The following PSTPIP2 variants were observed in gnomAD, a reference collection of about 807,000 sequenced individuals.
PSTPIP2 encodes the protein proline-serine-threonine phosphatase interacting protein 2.
A neutral mutation model predicts 63.3 loss-of-function variants in PSTPIP2; 33 were observed. That is an observed-to-expected ratio of 0.52 (90% CI 0.40 to 0.70). PSTPIP2 has a LOEUF of 0.70. Ranked by LOEUF, PSTPIP2 falls within the 30% of genes least tolerant of loss-of-function variation. The pLI is 0.00. For missense variants in PSTPIP2, 312 were observed against 400.7 expected (o/e 0.78, Z 1.89); for synonymous variants, 125 against 132.7 (o/e 0.94, Z 0.40).
At chr18:45,993,847 G>A (rs1031166190) in intron 9 of PSTPIP2, 144 bp from the exon 10 acceptor site, 1 of 677,000 alleles carries the variant, frequency 1.5e-6, no homozygotes, top group Non-Finnish European at 2.6e-6. Context: ...CCACCACTGA[G>A]GAAACTCATA....
At chr18:46,008,111 G>A (rs1323560534) in intron 5 of PSTPIP2, among the ~76,000 whole-genome samples, 1 of 152,086 alleles carries the variant, frequency 6.6e-6, no homozygotes, top group African/African-American at 2.4e-5. Context: ...CAAATCCAAT[G>A]GAAATGTGAT....
chr18:45,990,714 T>C lies in PSTPIP2; in HGVS notation c.955+8A>G, dbSNP rs368320912. Reference sequence around the variant, plus strand: ...AAGAATTTCAAAAGACCTTTTTTAGTGGCATACCTGGTGAGCTTTTAGGAA... The same window carrying C: ...AAGAATTTCAAAAGACCTTTTTTAGCGGCATACCTGGTGAGCTTTTAGGAA... On this transcript the variant is annotated splice_region_variant and intron_variant, in intron 13 of 14. Coordinates refer to ENST00000409746, the MANE Select transcript of PSTPIP2 (RefSeq NM_024430.4). The C allele has an allele frequency of 4.6e-5, 73 of 1,602,690 alleles. No individual in the cohort carries two copies. Among genetic ancestry groups the C allele is most frequent in the Admixed American group, 1.0e-4 (6 of 59,708 alleles).
intron 2 of PSTPIP2, among the ~76,000 whole-genome samples, chr18:46,037,542 T>G (rs1908025023): frequency 6.6e-6 from 1 of 152,158 alleles, no homozygotes; most frequent in East Asian, 1.9e-4. Context: ...GCAGCCAACT[T>G]AGTCCCAGTT....
rs149236560 is a variant in PSTPIP2, at chr18:46,019,981, C to T, written c.213-4044G>A. ...CTATAGTGAGTCATAGATTGAAAGG[C>T]CAGCCTTACAGCTAAATTGTCTGTC... On this transcript the variant is annotated intron_variant, in intron 3 of 14. Coordinates refer to ENST00000409746, the MANE Select transcript of PSTPIP2 (RefSeq NM_024430.4). 1.2e-4 allele frequency among the ~76,000 whole-genome samples: 19 copies of T among 152,276 alleles called. 1 individual carries two copies. Among genetic ancestry groups the T allele is most frequent in the Non-Finnish European group, 2.2e-4 (15 of 68,010 alleles).
At chr18:46,064,867 G>T (rs571313445) in intron 1 of PSTPIP2, among the ~76,000 whole-genome samples, 2 of 151,948 alleles carry the variant, frequency 1.3e-5, no homozygotes, top group Non-Finnish European at 2.9e-5. Flanking sequence ...ACACTGGGCC[G>T]GGTGCGGTGG....
intron 13 of PSTPIP2, among the ~76,000 whole-genome samples, chr18:45,990,250 C>T (rs1415566987): frequency 2.6e-5 from 4 of 152,122 alleles, no homozygotes; most frequent in African/African-American, 7.2e-5. Flanking sequence ...AAATAGACCA[C>T]CAATTATCAT....
intron 5 of PSTPIP2, among the ~76,000 whole-genome samples, chr18:46,007,525 G>T (rs2051741310): frequency 1.3e-5 from 2 of 152,258 alleles, no homozygotes; most frequent in Admixed American, 1.3e-4. Flanking sequence ...AGGAGGAGAA[G>T]CTGGGTTTAT....
Position 45,992,086 on chromosome 18 carries a change from C to T in PSTPIP2, c.838+20G>A. 6.2e-7 allele frequency: 1 copy of T among 1,600,458 alleles called. No homozygotes were observed. On this transcript the variant is annotated intron_variant, in intron 11 of 14. Transcript: ENST00000409746. ...ATAGAATTGTGTAAATAACACTCCC[C>T]ACCCCACTGCCCCATTCACCTGGTG...
intron 6 of PSTPIP2, 97 bp downstream of exon 6, chr18:46,005,372 T>G (rs1464060246): frequency 9.6e-7 from 1 of 1,042,144 alleles, no homozygotes; most frequent in African/African-American, 1.6e-5. Context: ...TAATAACATT[T>G]TTGAAATGTT....
In PSTPIP2 at chr18:46,005,525, G is replaced by A. The variant is rs766254600; in HGVS notation, c.361C>T (p.Leu121Phe). 3 of 1,591,210 alleles carry A rather than the reference G, an allele frequency of 1.9e-6. No individual in the cohort carries two copies. The highest frequency in any genetic ancestry group is 1.3e-5 in the African/African-American group (1 of 74,260). Reference sequence around the variant, plus strand: ...TGTTTATGGATAGCATCCATTATGAGCTCTGTCTGTAAAGAGATCATAAAC... The same window carrying A: ...TGTTTATGGATAGCATCCATTATGAACTCTGTCTGTAAAGAGATCATAAAC... Reference protein sequence around the residue: ...KQKLQRKKTELIMDAIHKQKS... With the variant: ...KQKLQRKKTEFIMDAIHKQKS... The change falls in exon 6 of 15, where the codon CTC (leucine) becomes TTC (phenylalanine). Residue 121 changes from leucine to phenylalanine, a missense_variant. By Grantham distance (22) the Leu-to-Phe change is conservative. Transcript: ENST00000409746.
Position 46,002,690 on chromosome 18 carries a change from A to C in PSTPIP2, c.417+2779T>G, listed in dbSNP as rs112615826. Reference sequence around the variant, plus strand: ...TCAAGTGTGAATCAGGTGTAGTGGCACATGCCTGTAATTCCAGCTACTCAG... The same window carrying C: ...TCAAGTGTGAATCAGGTGTAGTGGCCCATGCCTGTAATTCCAGCTACTCAG... On this transcript the variant is annotated intron_variant, in intron 6 of 14. Coordinates refer to ENST00000409746, the MANE Select transcript of PSTPIP2 (RefSeq NM_024430.4). Among the ~76,000 whole-genome samples, 340 of 152,248 alleles carry C rather than the reference A, an allele frequency of 2.2e-3. 3 individuals are homozygous for C. Among genetic ancestry groups the C allele is most frequent in the Middle Eastern group, 0.014 (4 of 294 alleles).
At chr18:46,038,886 C>A (rs2144110119) in intron 2 of PSTPIP2, among the ~76,000 whole-genome samples, 1 of 152,258 alleles carries the variant, frequency 6.6e-6, no homozygotes, top group South Asian at 2.1e-4. Context: ...CCTGTAATCC[C>A]AGAACTTTGG....
Position 46,011,219 on chromosome 18 carries a change from C to G in PSTPIP2, c.316G>C (p.Glu106Gln). Reference protein sequence around the residue: ...QSLREEARKMEEFREKQKLQR... With the variant: ...QSLREEARKMQEFREKQKLQR... ...AGTTTTTGCTTTTCCCTGAATTCTT[C>G]CATCTTCCTGGCCTCTTCTCTTAAA... The change falls in exon 5 of 15, where the codon GAA (glutamate) becomes CAA (glutamine). Residue 106 changes from glutamate to glutamine, a missense_variant. By Grantham distance (29) the Glu-to-Gln change is conservative (BLOSUM62 2). Coordinates refer to ENST00000409746, the MANE Select transcript of PSTPIP2 (RefSeq NM_024430.4). 6.2e-7 allele frequency: 1 copy of G among 1,614,034 alleles called. No homozygotes were observed. The highest frequency in any genetic ancestry group is 8.5e-7 in the Non-Finnish European group (1 of 1,179,982).
Position 45,990,577 on chromosome 18 carries a change from G to T in PSTPIP2, c.955+145C>A, listed in dbSNP as rs557427822. 1.0e-4 allele frequency: 60 copies of T among 593,524 alleles called. 1 individual carries two copies. In the South Asian group the frequency reaches 1.2e-3, roughly 12 times the overall value. 36.8% of individuals were successfully genotyped at this position (593,524 alleles called of 1,614,324 possible). Reference sequence around the variant, plus strand: ...CCTGAGTAGCTGGGATTACAGGCACGCACCACCACACCCAGCTAATTTTTG... The same window carrying T: ...CCTGAGTAGCTGGGATTACAGGCACTCACCACCACACCCAGCTAATTTTTG... On this transcript the variant is annotated intron_variant, in intron 13 of 14. Transcript: ENST00000409746.
intron 4 of PSTPIP2, 66 bp downstream of exon 4, chr18:46,015,837 C>T: frequency 7.2e-6 from 11 of 1,527,142 alleles, no homozygotes; most frequent in Non-Finnish European, 8.9e-6. Context: ...TAAAACACAC[C>T]TTTGACGACA....
intron 1 of PSTPIP2, among the ~76,000 whole-genome samples, chr18:46,070,907 C>A (rs1263814265): frequency 2.0e-5 from 3 of 152,160 alleles, no homozygotes; most frequent in Non-Finnish European, 4.4e-5. Flanking sequence ...CTGGGGCCCA[C>A]ATCTCATTCT....
intron 1 of PSTPIP2, among the ~76,000 whole-genome samples, chr18:46,060,481 A>T (rs1908949740): frequency 6.6e-6 from 1 of 152,236 alleles, no homozygotes; most frequent in Admixed American, 6.5e-5. Flanking sequence ...AGGAAGCTCA[A>T]GTCCAGAGTG....
chr18:45,998,756 C>T, intron 8 of PSTPIP2, 38 bp downstream of exon 8: 1 of 1,605,468 alleles, frequency 6.2e-7, no homozygotes, highest in South Asian at 1.1e-5. Flanking sequence ...TAAACCCCAC[C>T]AGCAACCCTC....
chr18:46,028,812 G>C, intron 2 of PSTPIP2: 1 of 1,501,536 alleles, frequency 6.7e-7, no homozygotes, highest in Non-Finnish European at 9.3e-7. Context: ...CTAATAAGCT[G>C]AAAACAACTT....
Sources: allele counts gnomAD v4.1 joint callset (sites outside exome capture counted in the v4.1 genomes callset), GRCh38; gene constraint gnomAD v4.1.1; transcripts MANE v1.5; gene names NCBI Gene and HGNC (gene_info 2026-07-23, HGNC 2026-07-21).